The following ADARB2 variants were observed in gnomAD, a reference collection of about 807,000 sequenced individuals.
ADARB2 encodes inactive double-stranded RNA-specific editase B2.
ADARB2 carries 25 observed loss-of-function variants against 62.2 expected under a neutral mutation model. That is an observed-to-expected ratio of 0.40 (90% CI 0.29 to 0.56). ADARB2 has a LOEUF of 0.56. ADARB2 is among the 20% of genes least tolerant of loss of function. ADARB2 has a pLI of 0.43. For missense variants in ADARB2, 1,071 were observed against 1,077.4 expected (o/e 0.99, Z 0.08); for synonymous variants, 572 against 500.8 (o/e 1.14, Z -1.90).
intron 7 of ADARB2, among the ~76,000 whole-genome samples, chr10:1,215,205 C>T (rs1837217947): frequency 1.3e-5 from 2 of 152,342 alleles, no homozygotes; most frequent in South Asian, 4.1e-4. Flanking sequence ...AAACAGTTGT[C>T]CTGTTATCTG....
At chr10:1,210,751 G>A (rs984729830) in intron 7 of ADARB2, among the ~76,000 whole-genome samples, 1 of 152,230 alleles carries the variant, frequency 6.6e-6, no homozygotes, top group Non-Finnish European at 1.5e-5. Flanking sequence ...TTTGTACCTC[G>A]TGGGGGTGTA....
At chr10:1,546,583 C>T (rs545908660) in intron 1 of ADARB2, among the ~76,000 whole-genome samples, 9 of 152,238 alleles carry the variant, frequency 5.9e-5, no homozygotes, top group Admixed American at 2.6e-4. Context: ...AGCAACTCTC[C>T]GTGTCCTGGG....
intron 1 of ADARB2, among the ~76,000 whole-genome samples, chr10:1,669,354 G>A (rs1045658407): frequency 2.0e-5 from 3 of 152,146 alleles, no homozygotes; most frequent in African/African-American, 7.2e-5. Context: ...CAGGCTCCCT[G>A]GAAGCTACCA....
At chr10:1,194,314 T>C (rs752006775) in intron 8 of ADARB2, among the ~76,000 whole-genome samples, 2 of 152,194 alleles carry the variant, frequency 1.3e-5, no homozygotes, top group Non-Finnish European at 2.9e-5. Context: ...TCAGGTTCTG[T>C]GAAGAGAAAT....
intron 1 of ADARB2, among the ~76,000 whole-genome samples, chr10:1,585,898 G>T (rs1183395831): frequency 6.6e-6 from 1 of 152,128 alleles, no homozygotes; most frequent in Admixed American, 6.5e-5. Context: ...GCTGGGTGGG[G>T]TGGCGGGCGG....
intron 8 of ADARB2, chr10:1,186,571 C>G (rs766674385): frequency 3.7e-5 from 19 of 518,910 alleles, no homozygotes; most frequent in Non-Finnish European, 6.9e-5. Context: ...CAGATCAGCT[C>G]TGCCTCTCCA....
Position 1,262,136 on chromosome 10 carries a change from C to T in ADARB2, c.1192+8819G>A, listed in dbSNP as rs1229077388. 1.5e-3 allele frequency among the ~76,000 whole-genome samples: 140 copies of T among 93,204 alleles called. 1 individual carries two copies. The highest frequency in any genetic ancestry group is 6.3e-3 in the African/African-American group (131 of 20,652). 61.1% of individuals were successfully genotyped at this position (93,204 alleles called of 152,430 possible). A position where few individuals can be genotyped will look rare whatever the true frequency, so the allele number is the denominator to read the frequency against. On this transcript the variant is annotated intron_variant, in intron 4 of 9. Transcript: ENST00000381312. ...GAAGGGGAATATCACACTCTGGGGA[C>T]TGTGGTGGGGTGGGGGGAGGGGGGA...
At chr10:1,372,412 C>T (rs571906859) in intron 2 of ADARB2, among the ~76,000 whole-genome samples, 2 of 152,128 alleles carry the variant, frequency 1.3e-5, no homozygotes, top group Non-Finnish European at 2.9e-5. Context: ...CACCAGGGTG[C>T]AGTATACCCA....
chr10:1,449,960 A>T (rs1831016939), intron 1 of ADARB2, among the ~76,000 whole-genome samples: 1 of 152,198 alleles, frequency 6.6e-6, no homozygotes, highest in East Asian at 1.9e-4. Flanking sequence ...TGTGCATGCT[A>T]ATTTTGTCTC....
chr10:1,299,922 T>C (rs949469765), intron 3 of ADARB2, among the ~76,000 whole-genome samples: 2 of 152,156 alleles, frequency 1.3e-5, no homozygotes, highest in African/African-American at 4.8e-5. Flanking sequence ...TGGCTCATTG[T>C]CCTAACGGCC....
intron 1 of ADARB2, among the ~76,000 whole-genome samples, chr10:1,525,346 C>G (rs138694338): frequency 2.7e-4 from 41 of 152,308 alleles, no homozygotes; most frequent in Middle Eastern, 6.8e-3. Context: ...AGGAATCTCA[C>G]GATTTCATCT....
intron 7 of ADARB2, among the ~76,000 whole-genome samples, chr10:1,204,574 C>G (rs1242571942): frequency 1.3e-5 from 2 of 152,254 alleles, no homozygotes; most frequent in Admixed American, 1.3e-4. Flanking sequence ...GCTGCCCCAC[C>G]TGCACCTTCT....
At chr10:1,340,885 G>A (rs969287898) in intron 3 of ADARB2, among the ~76,000 whole-genome samples, 3 of 147,116 alleles carry the variant, frequency 2.0e-5, no homozygotes, top group African/African-American at 2.5e-5. Context: ...AGAACCACGC[G>A]CCCCACAGCG....
intron 4 of ADARB2, among the ~76,000 whole-genome samples, chr10:1,256,414 C>A (rs1051307364): frequency 9.2e-5 from 14 of 152,118 alleles, no homozygotes; most frequent in Admixed American, 3.3e-4. Context: ...GGCCACACAC[C>A]CTGAAACCAC....
intron 1 of ADARB2, among the ~76,000 whole-genome samples, chr10:1,626,534 C>T (rs768359635): frequency 3.3e-5 from 5 of 152,220 alleles, no homozygotes; most frequent in East Asian, 1.9e-4. Context: ...GCCCTCCTCC[C>T]GTGGCTGTGA....
intron 6 of ADARB2, among the ~76,000 whole-genome samples, chr10:1,226,000 A>T (rs1046613291): frequency 1.3e-5 from 2 of 152,122 alleles, no homozygotes; most frequent in African/African-American, 4.8e-5. Flanking sequence ...TATCCTGCAG[A>T]GTGTTTTCCA....
intron 1 of ADARB2, among the ~76,000 whole-genome samples, chr10:1,483,714 T>G (rs879385746): frequency 1.5e-5 from 1 of 65,272 alleles, no homozygotes; most frequent in Non-Finnish European, 3.3e-5. Flanking sequence ...AACTAATGAT[T>G]TAGCATTTAC....
intron 1 of ADARB2, among the ~76,000 whole-genome samples, chr10:1,560,604 T>TCTC (rs142024840): frequency 0.89 from 119,539 of 134,118 alleles, 54,608 homozygotes; most frequent in South Asian, 0.98. Flanking sequence ...ATTGGAGAGT[T>TCTC]CTCCAGCAAA....
chr10:1,372,800 T>C (rs1440922252), intron 2 of ADARB2, among the ~76,000 whole-genome samples: 2 of 152,238 alleles, frequency 1.3e-5, no homozygotes, highest in Non-Finnish European at 1.5e-5. Flanking sequence ...TTGCCGGTCA[T>C]AATTGCATAC....
Sources: allele counts gnomAD v4.1 joint callset (sites outside exome capture counted in the v4.1 genomes callset), GRCh38; gene constraint gnomAD v4.1.1; transcripts MANE v1.5; gene names NCBI Gene and HGNC (gene_info 2026-07-23, HGNC 2026-07-21).